PDZRN3: variants seen among roughly 807,000 people sequenced by gnomAD.
PDZRN3 encodes the protein PDZ domain containing ring finger 3.
PDZRN3 carries 38 observed loss-of-function variants against 85.7 expected under a neutral mutation model. That is an observed-to-expected ratio of 0.44 (90% confidence interval 0.34 to 0.58). The LOEUF (loss-of-function observed/expected upper bound fraction) is 0.58, where lower values mean the gene tolerates loss of function less well. Ranked by LOEUF, PDZRN3 falls within the 20% of genes least tolerant of loss-of-function variation. PDZRN3 has a pLI of 0.01. For missense variants in PDZRN3, 1,629 were observed against 1,506.4 expected (o/e 1.08, Z -1.35); for synonymous variants, 759 against 638.0 (o/e 1.19, Z -2.86).
At chr3:73,512,000 C>T (rs1218739100) in intron 3 of PDZRN3, among the ~76,000 whole-genome samples, 1 of 152,246 alleles carries the variant, frequency 6.6e-6, no homozygotes, top group Non-Finnish European at 1.5e-5. Context: ...TACACTTATA[C>T]ACTTGCAGAA....
At chr3:73,483,327 A>C (rs1307422593) in intron 3 of PDZRN3, among the ~76,000 whole-genome samples, 2 of 152,234 alleles carry the variant, frequency 1.3e-5, no homozygotes, top group Admixed American at 1.3e-4. Flanking sequence ...AGAGCAGTTG[A>C]CTTAAACCCT....
At chr3:73,417,445 C>T (rs1336484248) in intron 3 of PDZRN3, among the ~76,000 whole-genome samples, 11 of 152,136 alleles carry the variant, frequency 7.2e-5, no homozygotes, top group Admixed American at 4.6e-4. Context: ...TGTGTGTGCA[C>T]GTGCGGGGAA....
intron 3 of PDZRN3, among the ~76,000 whole-genome samples, chr3:73,498,486 A>T (rs1406109249): frequency 6.6e-6 from 1 of 152,050 alleles, no homozygotes; most frequent in Non-Finnish European, 1.5e-5. Flanking sequence ...TAACTGCAAC[A>T]TCAAAAACAA....
chr3:73,459,443 T>G (rs1239142867), intron 3 of PDZRN3, among the ~76,000 whole-genome samples: 1 of 152,228 alleles, frequency 6.6e-6, no homozygotes, highest in East Asian at 1.9e-4. Flanking sequence ...CATTATTTCA[T>G]CACTCAGGTA....
intron 3 of PDZRN3, among the ~76,000 whole-genome samples, chr3:73,555,745 G>A (rs1701679431): frequency 6.6e-6 from 1 of 152,124 alleles, no homozygotes; most frequent in South Asian, 2.1e-4. Flanking sequence ...ACTTTGGAGA[G>A]GTGAAAGGAA....
intron 3 of PDZRN3, among the ~76,000 whole-genome samples, chr3:73,518,985 A>C (rs973473594): frequency 1.3e-5 from 2 of 152,228 alleles, no homozygotes; most frequent in African/African-American, 4.8e-5. Flanking sequence ...ATCAGGTCTA[A>C]TTGCAAAGTG....
intron 3 of PDZRN3, among the ~76,000 whole-genome samples, chr3:73,493,894 G>A (rs1204721897): frequency 6.6e-6 from 1 of 152,114 alleles, no homozygotes; most frequent in East Asian, 1.9e-4. Flanking sequence ...CGGTGCTAGG[G>A]GCCACTTTCA....
chr3:73,427,745 G>A (rs1702346754), intron 3 of PDZRN3, among the ~76,000 whole-genome samples: 1 of 152,174 alleles, frequency 6.6e-6, no homozygotes, highest in African/African-American at 2.4e-5. Context: ...TCACTCAGAA[G>A]TTAATCTGGT....
intron 3 of PDZRN3, among the ~76,000 whole-genome samples, chr3:73,438,961 C>T (rs1308087516): frequency 1.3e-5 from 2 of 152,222 alleles, no homozygotes; most frequent in Non-Finnish European, 2.9e-5. Flanking sequence ...AGGCCATGAC[C>T]TCTGCCTGGA....
At chr3:73,447,165 A>G (rs572248121) in intron 3 of PDZRN3, among the ~76,000 whole-genome samples, 2 of 151,340 alleles carry the variant, frequency 1.3e-5, no homozygotes, top group South Asian at 4.2e-4. Context: ...TCCCCAAATT[A>G]TTTTCATGGT....
intron 3 of PDZRN3, among the ~76,000 whole-genome samples, chr3:73,420,673 C>T (rs527794688): frequency 1.3e-5 from 2 of 152,276 alleles, no homozygotes; most frequent in Middle Eastern, 6.8e-3. Flanking sequence ...AGACTTTCAA[C>T]CCATAAAGAT....
chr3:73,578,035 G>T (rs993456144), intron 3 of PDZRN3, among the ~76,000 whole-genome samples: 1 of 152,152 alleles, frequency 6.6e-6, no homozygotes, highest in Non-Finnish European at 1.5e-5. Context: ...GAAGTTTGCC[G>T]ATCTCTGTCC....
chr3:73,484,732 C>T (rs1703632983), intron 3 of PDZRN3, among the ~76,000 whole-genome samples: 2 of 152,160 alleles, frequency 1.3e-5, no homozygotes, highest in South Asian at 4.1e-4. Context: ...TACAGACCAG[C>T]AGCACCAGCA....
rs950202145 is a variant in PDZRN3, at chr3:73,431,969, G to C, written c.919-27574C>G. ...TAGAGTTACTTTTTGGAGGGTGCCA[G>C]TGTAATTAATACATCCACAACTGTG... On this transcript the variant is annotated intron_variant, in intron 3 of 9. Transcript: ENST00000263666. Among the ~76,000 whole-genome samples the C allele has an allele frequency of 7.9e-5, 12 of 152,208 alleles. No homozygotes were observed. The East Asian group carries it at 2.3e-3, about 29-fold the overall frequency.
chr3:73,545,175 G>A (rs1701393200), intron 3 of PDZRN3, among the ~76,000 whole-genome samples: 1 of 152,184 alleles, frequency 6.6e-6, no homozygotes, highest in African/African-American at 2.4e-5. Flanking sequence ...GGCCTGGGGA[G>A]GGATGAGTGG....
chr3:73,521,550 G>C (rs1365995171), intron 3 of PDZRN3, among the ~76,000 whole-genome samples: 1 of 152,078 alleles, frequency 6.6e-6, no homozygotes, highest in Non-Finnish European at 1.5e-5. Context: ...AGATACTGAG[G>C]GGGATTGAGA....
At chr3:73,563,014 T>TATA (rs1491432587) in intron 3 of PDZRN3, among the ~76,000 whole-genome samples, 21 of 20,288 alleles carry the variant, frequency 1.0e-3, no homozygotes, top group South Asian at 3.3e-3. Flanking sequence ...TATATATATA[T>TATA]TTTTTTTTTT....
chr3:73,411,413 G>A (rs1701964125), intron 3 of PDZRN3, among the ~76,000 whole-genome samples: 1 of 152,232 alleles, frequency 6.6e-6, no homozygotes. Context: ...CTCTGTTTTA[G>A]AACTTCTCTG....
At chr3:73,575,697 T>C (rs1702112979) in intron 3 of PDZRN3, among the ~76,000 whole-genome samples, 1 of 152,188 alleles carries the variant, frequency 6.6e-6, no homozygotes, top group African/African-American at 2.4e-5. Context: ...AAATGAAGAC[T>C]GGCTCTAGTC....
Sources: allele counts gnomAD v4.1 joint callset (sites outside exome capture counted in the v4.1 genomes callset), GRCh38; gene constraint gnomAD v4.1.1; transcripts MANE v1.5; gene names NCBI Gene and HGNC (gene_info 2026-07-23, HGNC 2026-07-21).